The following YWHAE variants were observed in gnomAD, a reference collection of about 807,000 sequenced individuals.
YWHAE encodes the protein 14-3-3 protein epsilon.
Under a neutral mutation model 30.1 loss-of-function variants are expected in YWHAE, and 4 were observed. The ratio of observed to expected loss-of-function variants is 0.13; its 90% CI spans 0.07 to 0.30. YWHAE has a LOEUF of 0.30. Among genes scored for constraint, YWHAE ranks in the 10% least tolerant of loss-of-function variants. The probability of loss-of-function intolerance (pLI) is 1.00; values close to 1 mark genes in which losing one functional copy is unlikely to be tolerated. For synonymous variants in YWHAE, 118 were observed against 111.8 expected, an observed-to-expected ratio of 1.06 and a Z score of -0.35; for missense variants, 121 against 315.9, an observed-to-expected ratio of 0.38 and a Z score of 4.68.
intron 1 of YWHAE, among the ~76,000 whole-genome samples, chr17:1,366,260 C>T (rs2072940452): frequency 6.6e-6 from 1 of 151,784 alleles, no homozygotes; most frequent in African/African-American, 2.4e-5. Context: ...TAAAAATAGG[C>T]TGGATGTAGT....
At chr17:1,379,665 T>A (rs1448045046) in intron 1 of YWHAE, among the ~76,000 whole-genome samples, 9 of 152,152 alleles carry the variant, frequency 5.9e-5, no homozygotes, top group Admixed American at 2.6e-4. Context: ...AGAATAGTGA[T>A]CACTAGTTCT....
chr17:1,399,770 T>TC (rs1296698541), intron 1 of YWHAE: 4 of 23,076 alleles, frequency 1.7e-4, no homozygotes, highest in Admixed American at 6.6e-4. Flanking sequence ...GGACTCGCCC[T>TC]CCCCCCAGCC....
intron 1 of YWHAE, chr17:1,369,608 C>A (rs1403231669): frequency 6.6e-6 from 1 of 152,148 alleles, no homozygotes; most frequent in African/African-American, 2.4e-5. Context: ...AACCCATTAA[C>A]CATCAATTCC....
At chr17:1,389,787 C>G (rs896708980) in intron 1 of YWHAE, among the ~76,000 whole-genome samples, 2 of 152,010 alleles carry the variant, frequency 1.3e-5, no homozygotes, top group Admixed American at 6.6e-5. Context: ...GCCTCGGCCT[C>G]CCAAAGTCCT....
At chr17:1,382,004 G>A (rs992736934) in intron 1 of YWHAE, among the ~76,000 whole-genome samples, 1 of 131,732 alleles carries the variant, frequency 7.6e-6, no homozygotes, top group African/African-American at 4.3e-5. Flanking sequence ...GTTATTAAAG[G>A]AGACTCAAAC....
At chr17:1,347,559 A>C (rs2072547857) in intron 5 of YWHAE, among the ~76,000 whole-genome samples, 1 of 152,182 alleles carries the variant, frequency 6.6e-6, no homozygotes, top group African/African-American at 2.4e-5. Flanking sequence ...AAAAATATGC[A>C]AAGGCAAAAA....
At chr17:1,372,667 G>A (rs1276264511) in intron 1 of YWHAE, among the ~76,000 whole-genome samples, 1 of 152,178 alleles carries the variant, frequency 6.6e-6, no homozygotes, top group African/African-American at 2.4e-5. Context: ...GAGACAGGGA[G>A]TCAGAACACA....
At position 1,366,767 on chromosome 17, in the gene YWHAE, A is replaced by AC. The variant is rs111297840; in HGVS notation, c.65-1710dup. On this transcript the variant is annotated intron_variant, in intron 1 of 5. Transcript: ENST00000264335. ...AGACCAGCCTGGCCAACATGGTGAA[A>AC]CCCGTCTCTACTAAAAATACAAAAA... Among the ~76,000 whole-genome samples the AC allele has an allele frequency of 2.2e-4, 34 of 151,866 alleles. 1 individual carries two copies. Among genetic ancestry groups the AC allele is most frequent in the African/African-American group, 8.2e-4 (34 of 41,414 alleles).
At chr17:1,349,850 G>A (rs973484733) in intron 5 of YWHAE, among the ~76,000 whole-genome samples, 1 of 151,928 alleles carries the variant, frequency 6.6e-6, no homozygotes, top group Non-Finnish European at 1.5e-5. Context: ...TTCTGACCTC[G>A]TGATCCGCCC....
intron 5 of YWHAE, among the ~76,000 whole-genome samples, chr17:1,348,565 T>A (rs1244011746): frequency 6.6e-6 from 1 of 152,216 alleles, no homozygotes; most frequent in Non-Finnish European, 1.5e-5. Flanking sequence ...TCTCCTATAT[T>A]CACCACGGAA....
chr17:1,397,574 A>C (rs759320329), intron 1 of YWHAE, among the ~76,000 whole-genome samples: 2 of 152,182 alleles, frequency 1.3e-5, no homozygotes, highest in Non-Finnish European at 2.9e-5. Flanking sequence ...AGAGAGATAA[A>C]AGGGCAGCTG....
intron 4 of YWHAE, among the ~76,000 whole-genome samples, chr17:1,357,593 AG>A (rs2072773592): frequency 6.6e-6 from 1 of 151,584 alleles, no homozygotes; most frequent in Non-Finnish European, 1.5e-5. Context: ...AAAAAAAAAA[AG>A]CAAAAAAACC....
At position 1,344,791 on chromosome 17, in the gene YWHAE, AC is replaced by A. The variant is rs2072489329; in HGVS notation, c.*655del. 4.3e-6 allele frequency: 1 copy of A among 232,938 alleles called. No individual in the cohort carries two copies. The highest frequency in any genetic ancestry group is 2.2e-5 in the African/African-American group (1 of 45,278). 14.4% of individuals were successfully genotyped at this position (232,938 alleles called of 1,614,324 possible). On this transcript the variant is annotated 3_prime_UTR_variant, in exon 6 of 6. Transcript: ENST00000264335. ...TGAACAGGCATGCAGGCTTTTCCAT[AC>A]CACCTTCAACGCTAACCTGCTTCAG...
At chr17:1,353,580 T>C (rs1270806347) in intron 5 of YWHAE, among the ~76,000 whole-genome samples, 1 of 151,830 alleles carries the variant, frequency 6.6e-6, no homozygotes, top group East Asian at 1.9e-4. Context: ...CTGACCAACA[T>C]GGAGAAATCC....
At chr17:1,346,589 A>G (rs1371582856) in intron 5 of YWHAE, among the ~76,000 whole-genome samples, 1 of 152,252 alleles carries the variant, frequency 6.6e-6, no homozygotes, top group Non-Finnish European at 1.5e-5. Context: ...TCAAGGTTTC[A>G]GTAGTTTTCA....
At chr17:1,375,783 TAG>T (rs1414503952) in intron 1 of YWHAE, among the ~76,000 whole-genome samples, 1 of 152,240 alleles carries the variant, frequency 6.6e-6, no homozygotes, top group Non-Finnish European at 1.5e-5. Flanking sequence ...CTGCTGCCAG[TAG>T]AGTCACAAGT....
intron 1 of YWHAE, among the ~76,000 whole-genome samples, chr17:1,378,498 GA>G (rs1189966321): frequency 6.6e-6 from 1 of 152,206 alleles, no homozygotes; most frequent in Non-Finnish European, 1.5e-5. Context: ...GAAATATAAA[GA>G]TGGAGCAAAA....
rs56023639 is a variant in YWHAE, at chr17:1,385,144, CA to C, written c.64+14902del. ...TGGGTGACAGGGAAAGACTCTGTCT[CA>C]AAAAAAAAAAAAAAAAAAGTAAAGA... On this transcript the variant is annotated intron_variant, in intron 1 of 5. Transcript: ENST00000264335. 9.4e-3 allele frequency among the ~76,000 whole-genome samples: 819 copies of C among 86,788 alleles called. 6 individuals carry two copies. The highest frequency in any genetic ancestry group is 0.021 in the African/African-American group (490 of 23,350). The allele number at this position is 86,788 out of a possible 152,430, so 56.9% of individuals were successfully genotyped here.
intron 1 of YWHAE, among the ~76,000 whole-genome samples, chr17:1,389,402 T>C (rs1281135525): frequency 6.6e-6 from 1 of 152,182 alleles, no homozygotes; most frequent in African/African-American, 2.4e-5. Flanking sequence ...TCAAAACCCA[T>C]TCACTGTCCA....
Sources: gnomAD v4.1 joint callset for allele counts (sites outside exome capture counted in the v4.1 genomes callset) on GRCh38, gnomAD v4.1.1 for gene constraint, MANE v1.5 for transcripts, NCBI Gene and HGNC (gene_info 2026-07-23, HGNC 2026-07-21) for gene names.